PPP1R16B: variants seen among roughly 807,000 people sequenced by gnomAD.
PPP1R16B encodes protein phosphatase 1 regulatory subunit 16B.
Under a neutral mutation model 61.7 loss-of-function variants are expected in PPP1R16B, and 14 were observed. The ratio of observed to expected loss-of-function variants is 0.23; its 90% CI spans 0.15 to 0.35. The LOEUF (loss-of-function observed/expected upper bound fraction) is 0.35, where lower values mean the gene tolerates loss of function less well. Ranked by LOEUF, PPP1R16B falls within the 10% of genes least tolerant of loss-of-function variation. The pLI, the probability that PPP1R16B is intolerant of heterozygous loss-of-function variation, is 1.00. For missense variants in PPP1R16B, 547 were observed against 752.5 expected, an observed-to-expected ratio of 0.73 and a Z score of 3.19; for synonymous variants, 266 against 305.3, an observed-to-expected ratio of 0.87 and a Z score of 1.34.
At chr20:38,912,645 A>G (rs1434191997) in intron 10 of PPP1R16B, among the ~76,000 whole-genome samples, 2 of 151,988 alleles carry the variant, frequency 1.3e-5, no homozygotes, top group African/African-American at 4.8e-5. Context: ...ACTGAACTCC[A>G]GCCTGGGTGA....
At chr20:38,871,682 G>C (rs564632178) in intron 2 of PPP1R16B, among the ~76,000 whole-genome samples, 41 of 143,584 alleles carry the variant, frequency 2.9e-4, no homozygotes, top group Non-Finnish European at 5.3e-4. Context: ...AGGAAGGAGG[G>C]AGGGAGGGAA....
chr20:38,844,704 A>T (rs2084926776), intron 2 of PPP1R16B, among the ~76,000 whole-genome samples: 1 of 152,226 alleles, frequency 6.6e-6, no homozygotes, highest in Admixed American at 6.5e-5. Flanking sequence ...CAAAACAATG[A>T]AGATGGTGAT....
chr20:38,861,710 T>C (rs918834354), intron 2 of PPP1R16B, among the ~76,000 whole-genome samples: 2 of 147,164 alleles, frequency 1.4e-5, no homozygotes, highest in African/African-American at 5.1e-5. Flanking sequence ...GAAGTCTTGC[T>C]CTGTCGCCCA....
At chr20:38,837,750 G>T (rs2084882317) in intron 2 of PPP1R16B, among the ~76,000 whole-genome samples, 1 of 152,010 alleles carries the variant, frequency 6.6e-6, no homozygotes, top group African/African-American at 2.4e-5. Flanking sequence ...ATTTCGCCAT[G>T]TTGGCCAACC....
rs887881887 is a variant in PPP1R16B, at chr20:38,922,120, G to A, written c.*3454G>A. ...CTTGGGGAAGCTGAATAAACTCTAG[G>A]CCCAGGGCTACTAAAGACTTCAGGA... On this transcript the variant is annotated 3_prime_UTR_variant, in exon 11 of 11. Transcript: ENST00000299824. The A allele has an allele frequency of 1.3e-5, 2 of 152,208 alleles. No individual in the cohort carries two copies. Among genetic ancestry groups the A allele is most frequent in the East Asian group, 3.8e-4 (2 of 5,200 alleles). 9.4% of individuals were successfully genotyped at this position (152,208 alleles called of 1,614,324 possible).
At chr20:38,846,242 T>A (rs975261173) in intron 2 of PPP1R16B, among the ~76,000 whole-genome samples, 1 of 152,200 alleles carries the variant, frequency 6.6e-6, no homozygotes. Context: ...GGGATGGTTA[T>A]AATACTTGGG....
chr20:38,880,544 C>G (rs765625374), intron 2 of PPP1R16B, among the ~76,000 whole-genome samples: 2 of 152,110 alleles, frequency 1.3e-5, no homozygotes, highest in Non-Finnish European at 2.9e-5. Flanking sequence ...TGGTGCGCAC[C>G]TGTACTCCCA....
intron 1 of PPP1R16B, among the ~76,000 whole-genome samples, chr20:38,810,921 A>G (rs756245875): frequency 6.6e-6 from 1 of 152,122 alleles, no homozygotes; most frequent in Non-Finnish European, 1.5e-5. Context: ...TTGTAAATCT[A>G]AGGCTGACTG....
intron 2 of PPP1R16B, among the ~76,000 whole-genome samples, chr20:38,882,026 A>G (rs2085206741): frequency 6.6e-6 from 1 of 152,150 alleles, no homozygotes; most frequent in South Asian, 2.1e-4. Context: ...CCCATCTGTA[A>G]ACTGGAGCAA....
intron 1 of PPP1R16B, among the ~76,000 whole-genome samples, chr20:38,812,181 T>G (rs1244966422): frequency 6.6e-6 from 1 of 152,172 alleles, no homozygotes; most frequent in Non-Finnish European, 1.5e-5. Flanking sequence ...AGCAGGTGCT[T>G]GGGGGCCCAG....
At chr20:38,913,582 A>G (rs1442191799) in intron 10 of PPP1R16B, among the ~76,000 whole-genome samples, 1 of 152,160 alleles carries the variant, frequency 6.6e-6, no homozygotes, top group African/African-American at 2.4e-5. Flanking sequence ...TTTTAAAGCT[A>G]AAGAGAGACT....
intron 10 of PPP1R16B, among the ~76,000 whole-genome samples, chr20:38,910,637 G>T (rs908660152): frequency 6.6e-6 from 1 of 150,952 alleles, no homozygotes; most frequent in African/African-American, 2.4e-5. Context: ...GGGATCAAGC[G>T]ATCCTCCCAC....
chr20:38,889,812 C>T (rs761447706), intron 3 of PPP1R16B, 147 bp downstream of exon 3: 1 of 846,202 alleles, frequency 1.2e-6, no homozygotes. Context: ...CTGAAAGGCT[C>T]TTGTCTACTT....
At chr20:38,899,578 G>T (rs1568681112) in intron 4 of PPP1R16B, among the ~76,000 whole-genome samples, 1 of 152,210 alleles carries the variant, frequency 6.6e-6, no homozygotes, top group Non-Finnish European at 1.5e-5. Context: ...TTCTTCCAAG[G>T]AGTCCCAGGT....
chr20:38,902,584 C>T (rs555745493), intron 5 of PPP1R16B, 84 bp from the exon 6 acceptor site: 1 of 1,561,326 alleles, frequency 6.4e-7, no homozygotes, highest in East Asian at 2.2e-5. Context: ...GGAACAAGAG[C>T]CATGCCTCCC....
At chr20:38,840,123 G>A (rs1296554576) in intron 2 of PPP1R16B, among the ~76,000 whole-genome samples, 1 of 152,194 alleles carries the variant, frequency 6.6e-6, no homozygotes, top group Non-Finnish European at 1.5e-5. Context: ...GTCAGCCCTT[G>A]ACCTCACTGG....
At chr20:38,844,972 C>T (rs2084928226) in intron 2 of PPP1R16B, among the ~76,000 whole-genome samples, 1 of 150,450 alleles carries the variant, frequency 6.6e-6, no homozygotes, top group East Asian at 1.9e-4. Flanking sequence ...ATCTTACCCA[C>T]CCCACCCCAC....
intron 2 of PPP1R16B, among the ~76,000 whole-genome samples, chr20:38,840,729 A>C (rs2084904162): frequency 6.6e-6 from 1 of 152,056 alleles, no homozygotes. Context: ...AGGAGCACAG[A>C]CCCTGCAGTT....
At chr20:38,889,967 CA>C (rs1202572889) in intron 3 of PPP1R16B, among the ~76,000 whole-genome samples, 1 of 152,238 alleles carries the variant, frequency 6.6e-6, no homozygotes, top group African/African-American at 2.4e-5. Flanking sequence ...TGGAGCTTGA[CA>C]GTGTACGAAG....
Sources: gnomAD v4.1 joint callset for allele counts (sites outside exome capture counted in the v4.1 genomes callset) on GRCh38, gnomAD v4.1.1 for gene constraint, MANE v1.5 for transcripts, NCBI Gene and HGNC (gene_info 2026-07-23, HGNC 2026-07-21) for gene names.